Variants in LRRC8B observed in about 807,000 individuals in gnomAD.
LRRC8B encodes leucine rich repeat containing 8 VRAC subunit B, also known as volume-regulated anion channel subunit LRRC8B.
LRRC8B carries 23 observed loss-of-function variants against 58.8 expected under a neutral mutation model. That is an observed-to-expected ratio of 0.39 (90% CI 0.28 to 0.55). The LOEUF (loss-of-function observed/expected upper bound fraction) is 0.55. Among genes scored for constraint, LRRC8B ranks in the 20% least tolerant of loss-of-function variants. The probability of loss-of-function intolerance (pLI) is 0.62; values close to 1 mark genes in which losing one functional copy is unlikely to be tolerated. For missense variants in LRRC8B, 694 were observed against 936.0 expected (o/e 0.74, Z 3.37); for synonymous variants, 359 against 374.1 (o/e 0.96, Z 0.47).
At chr1:89,540,960 A>G (rs1167026293) in intron 1 of LRRC8B, among the ~76,000 whole-genome samples, 1 of 152,198 alleles carries the variant, frequency 6.6e-6, no homozygotes, top group Non-Finnish European at 1.5e-5. Context: ...TTTTTCAGAG[A>G]AGGAGTGGAT....
At position 89,595,109 on chromosome 1, in the gene LRRC8B, C is replaced by T. The variant is rs887911571; in HGVS notation, c.*2066C>T. On this transcript the variant is annotated 3_prime_UTR_variant, in exon 6 of 6. Transcript: ENST00000330947. ...AGGACACCAAACACACTGCCTCACACATTATTGTTTATTCTGAACGGAAAG... is the reference window on the plus strand; with the variant it reads ...AGGACACCAAACACACTGCCTCACATATTATTGTTTATTCTGAACGGAAAG... 6.6e-6 allele frequency: 1 copy of T among 152,152 alleles called. No homozygotes were observed. Among genetic ancestry groups the T allele is most frequent in the African/African-American group, 2.4e-5 (1 of 41,436 alleles). The allele number at this position is 152,152 out of a possible 1,614,324, so 9.4% of individuals were successfully genotyped here.
At position 89,594,520 on chromosome 1, in the gene LRRC8B, C is replaced by A. The variant is rs902931323; in HGVS notation, c.*1477C>A. On this transcript the variant is annotated 3_prime_UTR_variant, in exon 6 of 6. Coordinates refer to ENST00000330947, the MANE Select transcript of LRRC8B (RefSeq NM_001369817.2). ...ATTTAGTAAGAGTTAAAGCAAAAGA[C>A]TTTTTTTCCCTCCATCTATGTAATC... 6.6e-6 allele frequency: 1 copy of A among 152,034 alleles called. No homozygotes were observed. Among genetic ancestry groups the A allele is most frequent in the African/African-American group, 2.4e-5 (1 of 41,398 alleles). 9.4% of individuals were successfully genotyped at this position (152,034 alleles called of 1,614,324 possible). A position where few individuals can be genotyped will look rare whatever the true frequency, so the allele number is the denominator to read the frequency against.
intron 1 of LRRC8B, among the ~76,000 whole-genome samples, chr1:89,534,752 A>G (rs572906791): frequency 3.3e-5 from 5 of 152,224 alleles, no homozygotes; most frequent in South Asian, 2.1e-4. Flanking sequence ...ATTCCATTCT[A>G]TCTTCTAAAC....
At chr1:89,566,907 G>A (rs1653081257) in intron 1 of LRRC8B, among the ~76,000 whole-genome samples, 1 of 152,198 alleles carries the variant, frequency 6.6e-6, no homozygotes, top group South Asian at 2.1e-4. Context: ...AGAATTCTCA[G>A]TGTTACACTT....
chr1:89,585,018 T>C (rs528529467), intron 5 of LRRC8B, among the ~76,000 whole-genome samples: 24 of 152,364 alleles, frequency 1.6e-4, no homozygotes, highest in African/African-American at 5.5e-4. Flanking sequence ...TGGCACATAA[T>C]AGTTGCTCAG....
At chr1:89,578,149 A>G (rs187406064) in intron 3 of LRRC8B, among the ~76,000 whole-genome samples, 3 of 152,328 alleles carry the variant, frequency 2.0e-5, no homozygotes, top group African/African-American at 7.2e-5. Context: ...AATTAATGTA[A>G]ATGAGACATG....
At chr1:89,560,716 T>C (rs535816424) in intron 1 of LRRC8B, among the ~76,000 whole-genome samples, 2 of 150,044 alleles carry the variant, frequency 1.3e-5, no homozygotes, top group South Asian at 4.3e-4. Context: ...GGACATGAAC[T>C]CATCATTTTT....
chr1:89,534,845 G>T (rs1191535536), intron 1 of LRRC8B, among the ~76,000 whole-genome samples: 1 of 152,008 alleles, frequency 6.6e-6, no homozygotes, highest in Admixed American at 6.6e-5. Context: ...ATTTGATTAG[G>T]TCTTCCTCCA....
At chr1:89,569,984 T>C (rs910611175) in intron 3 of LRRC8B, among the ~76,000 whole-genome samples, 1 of 152,238 alleles carries the variant, frequency 6.6e-6, no homozygotes, top group Non-Finnish European at 1.5e-5. Flanking sequence ...TGGTTTTCTG[T>C]TCCTGCATTA....
At chr1:89,576,017 T>C (rs1484941651) in intron 3 of LRRC8B, among the ~76,000 whole-genome samples, 1 of 152,234 alleles carries the variant, frequency 6.6e-6, no homozygotes, top group East Asian at 1.9e-4. Flanking sequence ...AAAACTGCTT[T>C]TCAATTACTA....
chr1:89,568,609 A>T (rs2100999246), intron 3 of LRRC8B, 116 bp downstream of exon 3: 1 of 152,304 alleles, frequency 6.6e-6, no homozygotes, highest in African/African-American at 2.4e-5. Context: ...CTGTTCTTAC[A>T]GATGTTTTGA....
At chr1:89,557,216 TG>T (rs1206050775) in intron 1 of LRRC8B, among the ~76,000 whole-genome samples, 2 of 152,058 alleles carry the variant, frequency 1.3e-5, no homozygotes, top group Non-Finnish European at 2.9e-5. Context: ...ATGCCTTTTT[TG>T]AAGCGTTCTT....
At chr1:89,589,646 C>T (rs1032509798) in intron 5 of LRRC8B, among the ~76,000 whole-genome samples, 3 of 149,752 alleles carry the variant, frequency 2.0e-5, no homozygotes, top group African/African-American at 7.4e-5. Context: ...ATCTATGTGA[C>T]ACTGGGTTTT....
chr1:89,549,334 T>C (rs1000031664), intron 1 of LRRC8B, among the ~76,000 whole-genome samples: 1 of 152,206 alleles, frequency 6.6e-6, no homozygotes, highest in Non-Finnish European at 1.5e-5. Context: ...CCTTCATGTT[T>C]CTATTAACCC....
intron 1 of LRRC8B, among the ~76,000 whole-genome samples, chr1:89,559,273 A>G (rs1272373471): frequency 6.6e-6 from 1 of 152,090 alleles, no homozygotes; most frequent in Non-Finnish European, 1.5e-5. Context: ...CAGGCCCAAG[A>G]CTGAACCCCA....
intron 1 of LRRC8B, among the ~76,000 whole-genome samples, chr1:89,534,774 A>G (rs759917553): frequency 6.6e-6 from 1 of 152,222 alleles, no homozygotes; most frequent in Non-Finnish European, 1.5e-5. Context: ...CCTGAGTTAT[A>G]TGCCCAAAGA....
At position 89,528,271 on chromosome 1, in the gene LRRC8B, G is replaced by A. The variant is rs147107267; in HGVS notation, c.-241+3249G>A. Among the ~76,000 whole-genome samples the A allele has an allele frequency of 5.0e-3, 756 of 152,212 alleles. 3 individuals carry two copies. The highest frequency in any genetic ancestry group is 8.6e-3 in the Non-Finnish European group (585 of 68,030). On this transcript the variant is annotated intron_variant, in intron 1 of 5. Coordinates refer to ENST00000330947, the MANE Select transcript of LRRC8B (RefSeq NM_001369817.2). ...ATTTCTCTTCCGTATCCAGCTCCATGCAGGTGACTGAGATCTTCCTCTGCT... is the reference window on the plus strand; with the variant it reads ...ATTTCTCTTCCGTATCCAGCTCCATACAGGTGACTGAGATCTTCCTCTGCT...
intron 4 of LRRC8B, among the ~76,000 whole-genome samples, chr1:89,582,073 A>G (rs1018454466): frequency 2.0e-5 from 3 of 152,082 alleles, no homozygotes; most frequent in African/African-American, 7.2e-5. Context: ...TTACTCAGAC[A>G]TTTTGGAAGG....
At chr1:89,565,045 C>T (rs780331946) in intron 1 of LRRC8B, among the ~76,000 whole-genome samples, 6 of 152,120 alleles carry the variant, frequency 3.9e-5, no homozygotes, top group Admixed American at 2.0e-4. Flanking sequence ...TATCTAAGGA[C>T]GTGCAATATT....
Sources: allele counts gnomAD v4.1 joint callset (sites outside exome capture counted in the v4.1 genomes callset), GRCh38; gene constraint gnomAD v4.1.1; transcripts MANE v1.5; gene names NCBI Gene and HGNC (gene_info 2026-07-23, HGNC 2026-07-21).